PTPRE: variants seen among roughly 807,000 people sequenced by gnomAD.
The protein encoded by PTPRE is protein tyrosine phosphatase receptor type E, also known as receptor-type tyrosine-protein phosphatase epsilon.
In PTPRE, 51 loss-of-function variants were observed where a neutral mutation model predicts 102.0. The observed-to-expected ratio is 0.50, with a 90% CI of 0.40 to 0.63. The LOEUF (loss-of-function observed/expected upper bound fraction) is 0.63. PTPRE is among the 30% of genes least tolerant of loss of function. The pLI is 0.00. For missense variants in PTPRE, 752 were observed against 915.1 expected, an observed-to-expected ratio of 0.82 and a Z score of 2.30; for synonymous variants, 345 against 348.2, an observed-to-expected ratio of 0.99 and a Z score of 0.10.
intron 1 of PTPRE, among the ~76,000 whole-genome samples, chr10:127,948,222 C>G (rs968329674): frequency 6.6e-6 from 1 of 152,092 alleles, no homozygotes; most frequent in Non-Finnish European, 1.5e-5. Context: ...ATCACCCCCT[C>G]CTTTTTTTTT....
chr10:128,041,466 G>A (rs1028410205), intron 3 of PTPRE, among the ~76,000 whole-genome samples: 3 of 151,918 alleles, frequency 2.0e-5, no homozygotes, highest in Admixed American at 6.6e-5. Context: ...TGGCCAACAC[G>A]GTGAAACCCT....
At chr10:127,929,105 A>T (rs1847232397) in intron 1 of PTPRE, among the ~76,000 whole-genome samples, 1 of 152,176 alleles carries the variant, frequency 6.6e-6, no homozygotes, top group Non-Finnish European at 1.5e-5. Flanking sequence ...TAAACATTGG[A>T]CTGGTTTACA....
chr10:128,039,167 G>A lies in PTPRE; in HGVS notation c.-7-1708G>A, dbSNP rs893890742. ...TATATTAAAAGTATTGTGGCAGTGT[G>A]CAATACCAGATTTTTAAAAACAGTG... On this transcript the variant is annotated intron_variant, in intron 2 of 20. Transcript: ENST00000254667. 7.2e-5 allele frequency among the ~76,000 whole-genome samples: 11 copies of A among 152,324 alleles called. No homozygotes were observed. The South Asian group carries it at 1.9e-3, about 26-fold the overall frequency.
rs373159260 is a variant in PTPRE at position 127,944,530 on chromosome 10, A to G, written c.-31+37221A>G. 4.3e-4 allele frequency among the ~76,000 whole-genome samples: 12 copies of G among 27,874 alleles called. No individual in the cohort carries two copies. The highest frequency in any genetic ancestry group is 1.0e-3 in the South Asian group (1 of 956). 18.3% of individuals were successfully genotyped at this position (27,874 alleles called of 152,430 possible). ...TGGATGGATGGGTGGATGGATGGAT[A>G]AATGGATGGATGGATAAGTGGATGG... is the stretch of plus-strand genomic sequence containing the variant. On this transcript the variant is annotated intron_variant, in intron 1 of 20. Coordinates refer to ENST00000254667, the MANE Select transcript of PTPRE (RefSeq NM_006504.6). The surrounding 1 kb of genome is among the most constrained non-coding windows in gnomAD (Gnocchi z 4.2).
At chr10:128,074,275 G>A (rs894519194) in intron 17 of PTPRE, among the ~76,000 whole-genome samples, 5 of 152,112 alleles carry the variant, frequency 3.3e-5, no homozygotes, top group African/African-American at 1.2e-4. Flanking sequence ...CTTTTTTACT[G>A]GCAAATAGTA....
chr10:128,041,023 C>A, intron 3 of PTPRE, 33 bp downstream of exon 3: 1 of 1,567,860 alleles, frequency 6.4e-7, no homozygotes, highest in Non-Finnish European at 8.8e-7. Context: ...GCCTCCCCTA[C>A]TACCTCCTCC....
At chr10:128,063,507 G>A (rs185145876) in intron 10 of PTPRE, among the ~76,000 whole-genome samples, 6 of 152,308 alleles carry the variant, frequency 3.9e-5, no homozygotes, top group South Asian at 2.1e-4. Flanking sequence ...GATGTTGAGC[G>A]TGTCATGCGG....
rs779197227 is a variant in PTPRE at position 128,060,964 on chromosome 10, C to G, written c.537C>G (p.Ser179Arg). ...ATGACCATTCTAGGGTGATTCTGAG[C>G]CAACTGGATGGAATTCCCTGTTCAG... ...LPNDHSRVIL[S>R]QLDGIPCSDY... Residue 179 changes from serine (S) to arginine (R), a missense_variant, in exon 8 of 21, where the codon AGC becomes AGG. Coordinates refer to ENST00000254667, the MANE Select transcript of PTPRE (RefSeq NM_006504.6). 6.2e-7 allele frequency: 1 copy of G among 1,614,096 alleles called. No individual in the cohort carries two copies. The highest frequency in any genetic ancestry group is 1.1e-5 in the South Asian group (1 of 91,074).
chr10:128,081,143 T>C (rs1269977324), intron 20 of PTPRE, among the ~76,000 whole-genome samples: 1 of 104,152 alleles, frequency 9.6e-6, no homozygotes, highest in Admixed American at 1.1e-4. Context: ...GGCAGGGAGA[T>C]TTTGGCAAAA....
intron 3 of PTPRE, 133 bp from the exon 4 acceptor site, chr10:128,047,257 T>C (rs1848169604): frequency 7.5e-6 from 10 of 1,333,792 alleles, no homozygotes; most frequent in Non-Finnish European, 1.0e-5. Flanking sequence ...TGGGGCCTTT[T>C]CAGGATGATG....
At chr10:127,966,275 CACA>C (rs1189460504) in intron 1 of PTPRE, among the ~76,000 whole-genome samples, 3 of 152,156 alleles carry the variant, frequency 2.0e-5, no homozygotes, top group African/African-American at 7.2e-5. Flanking sequence ...GCCCTCCGGA[CACA>C]ACATCTTGCT....
At chr10:128,047,297 T>C in intron 3 of PTPRE, 93 bp from the exon 4 acceptor site, 1 of 1,482,598 alleles carries the variant, frequency 6.7e-7, no homozygotes. Flanking sequence ...AGTTTGGGGT[T>C]CTGGTGTCCA....
intron 2 of PTPRE, among the ~76,000 whole-genome samples, chr10:128,027,504 G>A (rs1034035078): frequency 6.6e-5 from 10 of 152,198 alleles, no homozygotes; most frequent in African/African-American, 2.4e-4. Flanking sequence ...AATCGTCCTT[G>A]TTGAGGCTGT....
At chr10:127,920,112 A>T (rs1846489770) in intron 1 of PTPRE, among the ~76,000 whole-genome samples, 1 of 152,100 alleles carries the variant, frequency 6.6e-6, no homozygotes, top group Non-Finnish European at 1.5e-5. Context: ...GGCTAGAATG[A>T]TGTTGGGTGG....
At chr10:127,952,713 T>C (rs1291010845) in intron 1 of PTPRE, among the ~76,000 whole-genome samples, 1 of 152,196 alleles carries the variant, frequency 6.6e-6, no homozygotes, top group Non-Finnish European at 1.5e-5. Context: ...TGGGTGTGCC[T>C]GCTTATCAGA....
intron 2 of PTPRE, among the ~76,000 whole-genome samples, chr10:127,987,765 G>GA (rs1852221462): frequency 1.3e-5 from 2 of 152,306 alleles, no homozygotes; most frequent in South Asian, 4.1e-4. Context: ...GATGACATGG[G>GA]AAAATCCCAC....
At chr10:128,020,052 G>A (rs900929114) in intron 2 of PTPRE, among the ~76,000 whole-genome samples, 16 of 93,958 alleles carry the variant, frequency 1.7e-4, no homozygotes, top group South Asian at 1.3e-3. Context: ...GTGTGCACGC[G>A]CGCACGTGTG....
intron 11 of PTPRE, among the ~76,000 whole-genome samples, chr10:128,067,570 A>G: frequency 6.6e-6 from 1 of 152,246 alleles, no homozygotes. Flanking sequence ...ACACACATCT[A>G]CTTCCAAATA....
intron 2 of PTPRE, among the ~76,000 whole-genome samples, chr10:128,019,758 G>A (rs1845718282): frequency 6.6e-6 from 1 of 152,192 alleles, no homozygotes; most frequent in Non-Finnish European, 1.5e-5. Flanking sequence ...GCCAGGCTGT[G>A]AGTGGGATGG....
Sources: allele counts gnomAD v4.1 joint callset (sites outside exome capture counted in the v4.1 genomes callset), GRCh38; gene constraint gnomAD v4.1.1; non-coding constraint Gnocchi (gnomAD v3.1); transcripts MANE v1.5; gene names NCBI Gene and HGNC (gene_info 2026-07-23, HGNC 2026-07-21).